The following EVI5 variants were observed in gnomAD, a reference collection of about 807,000 sequenced individuals.
EVI5 encodes ecotropic viral integration site 5 protein homolog.
A neutral mutation model predicts 112.0 loss-of-function variants in EVI5; 73 were observed. That is an observed-to-expected ratio of 0.65 (90% CI 0.54 to 0.79). EVI5 has a LOEUF of 0.79. EVI5 is among the 30% of genes least tolerant of loss of function. The pLI, the probability that EVI5 is intolerant of heterozygous loss-of-function variation, is 0.00. For missense variants in EVI5, 900 were observed against 968.8 expected, an observed-to-expected ratio of 0.93 and a Z score of 0.94; for synonymous variants, 305 against 319.9, an observed-to-expected ratio of 0.95 and a Z score of 0.50.
chr1:92,617,637 C>T (rs1653513948), intron 16 of EVI5, among the ~76,000 whole-genome samples: 1 of 152,200 alleles, frequency 6.6e-6, no homozygotes, highest in Non-Finnish European at 1.5e-5. Flanking sequence ...CCAAGGCTGA[C>T]CTGGCTACAG....
intron 2 of EVI5, among the ~76,000 whole-genome samples, chr1:92,729,727 T>C (rs937840230): frequency 3.9e-5 from 6 of 152,226 alleles, no homozygotes; most frequent in East Asian, 3.8e-4. Context: ...AATAGTTATA[T>C]GTATTTTTTA....
At chr1:92,591,169 G>A (rs1673803909) in intron 18 of EVI5, among the ~76,000 whole-genome samples, 4 of 152,206 alleles carry the variant, frequency 2.6e-5, no homozygotes, top group Admixed American at 2.6e-4. Flanking sequence ...ATGCCAAATT[G>A]TAAAGACCAT....
intron 9 of EVI5, among the ~76,000 whole-genome samples, chr1:92,686,370 T>A (rs1486422603): frequency 6.6e-6 from 1 of 152,164 alleles, no homozygotes; most frequent in East Asian, 1.9e-4. Flanking sequence ...AAACTCTCAA[T>A]AAACTAGGTA....
chr1:92,617,877 C>T (rs981823115), intron 16 of EVI5, among the ~76,000 whole-genome samples: 1 of 152,196 alleles, frequency 6.6e-6, no homozygotes, highest in Non-Finnish European at 1.5e-5. Flanking sequence ...TCTGTGCACT[C>T]ACGGAATACC....
chr1:92,719,810 C>T (rs1368879700), intron 2 of EVI5, among the ~76,000 whole-genome samples: 1 of 151,984 alleles, frequency 6.6e-6, no homozygotes, highest in African/African-American at 2.4e-5. Flanking sequence ...ATTGTCTCAG[C>T]CCAAAATCTC....
upstream of EVI5, among the ~76,000 whole-genome samples, chr1:92,787,937 A>G (rs1401485796): frequency 6.6e-6 from 1 of 151,592 alleles, no homozygotes; most frequent in South Asian, 2.1e-4. Flanking sequence ...ATGACACAAA[A>G]GAGTGTCATA....
chr1:92,734,905 CAG>C (rs1411465626), intron 2 of EVI5, among the ~76,000 whole-genome samples: 1 of 151,980 alleles, frequency 6.6e-6, no homozygotes, highest in Non-Finnish European at 1.5e-5. Flanking sequence ...TCAAAACCAA[CAG>C]AGAAATGCAA....
chr1:92,512,600 A>G lies in EVI5; in HGVS notation c.*1056T>C, dbSNP rs989585628. On this transcript the variant is annotated 3_prime_UTR_variant, in exon 20 of 20. Coordinates refer to ENST00000684568, the MANE Select transcript of EVI5 (RefSeq NM_001350197.2). ...TGATGTTCAATGTTAGGTGGTACAGATTTATAAATATGTACAAACAAAACA... is the reference window on the plus strand; with the variant it reads ...TGATGTTCAATGTTAGGTGGTACAGGTTTATAAATATGTACAAACAAAACA... The G allele has an allele frequency of 1.3e-5, 2 of 152,342 alleles. No individual in the cohort carries two copies. Among genetic ancestry groups the G allele is most frequent in the Admixed American group, 1.3e-4 (2 of 15,300 alleles). The allele number at this position is 152,342 out of a possible 1,614,324, so 9.4% of individuals were successfully genotyped here. A position where few individuals can be genotyped will look rare whatever the true frequency, so the allele number is the denominator to read the frequency against.
At chr1:92,719,239 T>C (rs1196893672) in intron 2 of EVI5, among the ~76,000 whole-genome samples, 2 of 151,542 alleles carry the variant, frequency 1.3e-5, no homozygotes, top group Non-Finnish European at 2.9e-5. Context: ...AGAGACACGA[T>C]GAAAAAAAGA....
rs181660934 is a variant in EVI5, at chr1:92,551,522, C to T, written c.2166+12120G>A. Among the ~76,000 whole-genome samples the T allele has an allele frequency of 1.8e-3, 279 of 152,288 alleles. 1 individual carries two copies. Among genetic ancestry groups the T allele is most frequent in the African/African-American group, 6.4e-3 (267 of 41,576 alleles). On this transcript the variant is annotated intron_variant, in intron 19 of 19. Transcript: ENST00000684568. ...AGTTCACAAGATTTTAAAACTGTAG[C>T]TCATTTTAGCATCCCATATATCAAG...
chr1:92,784,547 C>T, intron 1 of EVI5: 1 of 353,004 alleles, frequency 2.8e-6, no homozygotes, highest in Non-Finnish European at 3.2e-6. Context: ...GCCCCCGAAG[C>T]TGCTCCGTCC....
chr1:92,557,723 A>C (rs1050344499), intron 19 of EVI5, among the ~76,000 whole-genome samples: 2 of 151,134 alleles, frequency 1.3e-5, no homozygotes, highest in African/African-American at 2.4e-5. Flanking sequence ...ATTCCGAAGA[A>C]AACTTTTTTT....
intron 18 of EVI5, among the ~76,000 whole-genome samples, chr1:92,591,329 G>C (rs1015314719): frequency 3.3e-5 from 5 of 152,078 alleles, no homozygotes; most frequent in Non-Finnish European, 7.4e-5. Flanking sequence ...AAATTGGATA[G>C]AGTCAAGACC....
chr1:92,539,524 C>T (rs1664441206), intron 19 of EVI5, among the ~76,000 whole-genome samples: 1 of 122,424 alleles, frequency 8.2e-6, no homozygotes. Flanking sequence ...GCCTGGGCGA[C>T]AGAGCTAGAC....
chr1:92,607,291 A>T (rs1650638034), intron 17 of EVI5, among the ~76,000 whole-genome samples: 1 of 152,172 alleles, frequency 6.6e-6, no homozygotes, highest in Admixed American at 6.5e-5. Context: ...CTCTGGTTTT[A>T]AAGGGTTACC....
intron 13 of EVI5, among the ~76,000 whole-genome samples, chr1:92,645,444 C>T (rs1236757175): frequency 6.6e-6 from 1 of 152,058 alleles, no homozygotes; most frequent in Non-Finnish European, 1.5e-5. Flanking sequence ...CCTAGAAGTC[C>T]ACTGTGGGGG....
upstream of EVI5, among the ~76,000 whole-genome samples, chr1:92,788,218 C>A (rs760093644): frequency 2.6e-5 from 4 of 152,082 alleles, no homozygotes; most frequent in Non-Finnish European, 4.4e-5. Flanking sequence ...ACCTGTAATC[C>A]TAGCACTTTG....
intron 19 of EVI5, among the ~76,000 whole-genome samples, chr1:92,544,314 G>A (rs570178990): frequency 3.9e-5 from 6 of 152,144 alleles, no homozygotes; most frequent in South Asian, 2.1e-4. Context: ...TAAACTTTAC[G>A]TGGGTGCATT....
intron 19 of EVI5, among the ~76,000 whole-genome samples, chr1:92,529,890 T>A (rs1557720937): frequency 6.6e-6 from 1 of 152,224 alleles, no homozygotes; most frequent in Non-Finnish European, 1.5e-5. Context: ...TCATAAAAAT[T>A]ATGCTTACTG....
Sources: allele counts gnomAD v4.1 joint callset (sites outside exome capture counted in the v4.1 genomes callset), GRCh38; gene constraint gnomAD v4.1.1; transcripts MANE v1.5; gene names NCBI Gene and HGNC (gene_info 2026-07-23, HGNC 2026-07-21).